The following ANKMY1 variants were observed in gnomAD, a reference collection of about 807,000 sequenced individuals.
ANKMY1 encodes the protein ankyrin repeat and MYND domain containing 1.
In ANKMY1, 98 loss-of-function variants were observed where a neutral mutation model predicts 102.0. The ratio of observed to expected loss-of-function variants is 0.96; its 90% CI spans 0.82 to 1.14. The LOEUF is 1.14. Among genes scored for constraint, ANKMY1 ranks in the 50% most tolerant of loss-of-function variants. The probability of loss-of-function intolerance (pLI) is 0.00; values close to 1 mark genes in which losing one functional copy is unlikely to be tolerated. For missense variants in ANKMY1, 1,330 were observed against 1,347.6 expected, an observed-to-expected ratio of 0.99 and a Z score of 0.20; for synonymous variants, 582 against 559.9, an observed-to-expected ratio of 1.04 and a Z score of -0.56.
intron 15 of ANKMY1, among the ~76,000 whole-genome samples, chr2:240,484,661 A>ATGGC (rs2075834488): frequency 6.6e-6 from 1 of 152,242 alleles, no homozygotes; most frequent in Admixed American, 6.5e-5. Flanking sequence ...TTCATGACTA[A>ATGGC]AACACCAAAA....
downstream of ANKMY1, among the ~76,000 whole-genome samples, chr2:240,476,900 C>T (rs376379881): frequency 1.1e-4 from 16 of 152,184 alleles, no homozygotes; most frequent in African/African-American, 2.7e-4. Context: ...TTTCACAACA[C>T]GAGAAAAACT....
At chr2:240,536,824 T>A (rs1270212113) in intron 4 of ANKMY1, among the ~76,000 whole-genome samples, 1 of 152,232 alleles carries the variant, frequency 6.6e-6, no homozygotes, top group African/African-American at 2.4e-5. Context: ...AGCCACTTTC[T>A]TAAATGTATA....
intron 4 of ANKMY1, among the ~76,000 whole-genome samples, chr2:240,544,888 C>T (rs2089964666): frequency 6.6e-6 from 1 of 152,244 alleles, no homozygotes; most frequent in African/African-American, 2.4e-5. Flanking sequence ...ATTGCTAGCA[C>T]AGCAGTCTGA....
intron 10 of ANKMY1, among the ~76,000 whole-genome samples, chr2:240,512,471 C>T (rs1249061323): frequency 6.6e-6 from 1 of 152,184 alleles, no homozygotes; most frequent in Non-Finnish European, 1.5e-5. Context: ...ATGGAACTGG[C>T]CTCTGTCTGC....
chr2:240,470,888 C>CA, the ANKMY1 span, among the ~76,000 whole-genome samples: 13 of 151,360 alleles, frequency 8.6e-5, no homozygotes, highest in Non-Finnish European at 1.3e-4. Flanking sequence ...AAAAGAAAAA[C>CA]AAAGTGAGAG....
the ANKMY1 span, among the ~76,000 whole-genome samples, chr2:240,473,123 T>TAA: frequency 7.2e-3 from 780 of 108,170 alleles, 4 homozygotes; most frequent in African/African-American, 0.011. Context: ...AAACTCTGTC[T>TAA]AAAAAAAAAA....
At chr2:240,536,896 T>C (rs1325675320) in intron 4 of ANKMY1, among the ~76,000 whole-genome samples, 2 of 152,150 alleles carry the variant, frequency 1.3e-5, no homozygotes. Context: ...TATTTTTCTT[T>C]TTAAAATAAA....
chr2:240,557,724 C>A (rs1266389295), intron 1 of ANKMY1, among the ~76,000 whole-genome samples, 157 bp downstream of exon 1: 1 of 152,112 alleles, frequency 6.6e-6, no homozygotes, highest in South Asian at 2.1e-4. Context: ...AGGGTGGGCT[C>A]GGGAGACGCC....
intron 4 of ANKMY1, among the ~76,000 whole-genome samples, chr2:240,532,662 C>G (rs2085718725): frequency 6.6e-6 from 1 of 152,172 alleles, no homozygotes; most frequent in Non-Finnish European, 1.5e-5. Flanking sequence ...TAAAAAGCTG[C>G]ACATACATGT....
At position 240,549,077 on chromosome 2, in the gene ANKMY1, A is replaced by G. The variant is rs574494446; in HGVS notation, c.480+3837T>C. The stretch of plus-strand genomic sequence containing the variant: ...GCCAAGTCAATCCTAAGCCAAAAGA[A>G]CAAAGCTGGAGGCATCACACTACCT... On this transcript the variant is annotated intron_variant, in intron 4 of 17. Coordinates refer to ENST00000401804, the MANE Select transcript of ANKMY1 (RefSeq NM_001282771.3). Among the ~76,000 whole-genome samples, 15 of 151,272 alleles carry G rather than the reference A, an allele frequency of 9.9e-5. No individual in the cohort carries two copies. In the East Asian group the frequency reaches 2.5e-3, roughly 25 times the overall value.
At chr2:240,494,838 C>A (rs2077041685) in intron 15 of ANKMY1, among the ~76,000 whole-genome samples, 1 of 151,966 alleles carries the variant, frequency 6.6e-6, no homozygotes, top group African/African-American at 2.4e-5. Context: ...TGGCAAGCCA[C>A]CCAGGTGCCG....
the ANKMY1 span, among the ~76,000 whole-genome samples, chr2:240,468,924 T>A: frequency 3.3e-5 from 5 of 152,106 alleles, no homozygotes; most frequent in South Asian, 8.3e-4. Context: ...AGCCGCCAGG[T>A]CCCTGGTAGC....
intron 11 of ANKMY1, 99 bp from the exon 12 acceptor site, chr2:240,509,554 C>T: frequency 1.2e-6 from 1 of 837,692 alleles, no homozygotes; most frequent in Non-Finnish European, 1.9e-6. Flanking sequence ...AATGTAGTCA[C>T]TCAACGGCTA....
chr2:240,522,145 T>TTTTAGAGTGCTGA (rs1559314576), intron 8 of ANKMY1: 1 of 152,070 alleles, frequency 6.6e-6, no homozygotes, highest in Non-Finnish European at 1.5e-5. Flanking sequence ...GATTGGTCAA[T>TTTTAGAGTGCTGA]TTTACAGAGT....
At chr2:240,538,963 T>C (rs2087769475) in intron 4 of ANKMY1, among the ~76,000 whole-genome samples, 1 of 152,202 alleles carries the variant, frequency 6.6e-6, no homozygotes. Flanking sequence ...ATCAGCACTC[T>C]GTGTCTTGCT....
At chr2:240,518,853 A>G (rs1420828507) in intron 9 of ANKMY1, among the ~76,000 whole-genome samples, 1 of 152,154 alleles carries the variant, frequency 6.6e-6, no homozygotes, top group Non-Finnish European at 1.5e-5. Flanking sequence ...TTTCTGTGTA[A>G]TCTTACACTT....
chr2:240,515,761 A>G (rs1347769604), intron 9 of ANKMY1, among the ~76,000 whole-genome samples: 1 of 152,054 alleles, frequency 6.6e-6, no homozygotes, highest in Admixed American at 6.6e-5. Context: ...ACCATTGCCC[A>G]GGCTGGAGTG....
At chr2:240,545,035 T>G (rs2124826678) in intron 4 of ANKMY1, among the ~76,000 whole-genome samples, 1 of 152,362 alleles carries the variant, frequency 6.6e-6, no homozygotes, top group African/African-American at 2.4e-5. Context: ...CCTGCCTCTG[T>G]AGGCTCCACC....
upstream of ANKMY1, chr2:240,560,687 G>C (rs771352526): frequency 6.6e-6 from 10 of 1,523,268 alleles, no homozygotes. Context: ...CGGGCGCCAT[G>C]GGACCGGCAG....
Sources: allele counts gnomAD v4.1 joint callset (sites outside exome capture counted in the v4.1 genomes callset), GRCh38; gene constraint gnomAD v4.1.1; transcripts MANE v1.5; gene names NCBI Gene and HGNC (gene_info 2026-07-23, HGNC 2026-07-21).